NEGR1: variants seen among roughly 807,000 people sequenced by gnomAD.
NEGR1 encodes neuronal growth regulator 1, also known as IgLON family member 4.
NEGR1 carries 10 observed loss-of-function variants against 40.9 expected under a neutral mutation model. The ratio of observed to expected loss-of-function variants is 0.24; its 90% CI spans 0.15 to 0.42. The LOEUF is 0.42. Ranked by LOEUF, NEGR1 falls within the 10% of genes least tolerant of loss-of-function variation. The pLI is 1.00. For synonymous variants in NEGR1, 185 were observed against 166.8 expected, an observed-to-expected ratio of 1.11 and a Z score of -0.84; for missense variants, 352 against 438.9, an observed-to-expected ratio of 0.80 and a Z score of 1.77.
intron 3 of NEGR1, among the ~76,000 whole-genome samples, chr1:71,759,669 G>A (rs1361325378): frequency 1.5e-5 from 2 of 131,802 alleles, no homozygotes; most frequent in Non-Finnish European, 3.1e-5. Flanking sequence ...GAGTGCAGCA[G>A]CGCCATCTCG....
intron 2 of NEGR1, among the ~76,000 whole-genome samples, chr1:71,790,919 G>A (rs1366091666): frequency 6.6e-6 from 1 of 152,004 alleles, no homozygotes; most frequent in Admixed American, 6.6e-5. Context: ...GGGAGGTTAA[G>A]TGATGAACAA....
chr1:72,032,525 T>C (rs1177443711), intron 1 of NEGR1, among the ~76,000 whole-genome samples: 2 of 152,212 alleles, frequency 1.3e-5, no homozygotes, highest in African/African-American at 2.4e-5. Flanking sequence ...TAGACTATAA[T>C]GTTCTAAAAT....
At chr1:71,805,421 A>G (rs550560315) in intron 2 of NEGR1, among the ~76,000 whole-genome samples, 7 of 152,034 alleles carry the variant, frequency 4.6e-5, no homozygotes, top group Non-Finnish European at 5.9e-5. Flanking sequence ...TCTCCCCCGG[A>G]CACCCAGTTT....
chr1:71,974,546 C>A (rs1344987013), intron 1 of NEGR1, among the ~76,000 whole-genome samples: 1 of 151,980 alleles, frequency 6.6e-6, no homozygotes, highest in Non-Finnish European at 1.5e-5. Context: ...TTGAATACAG[C>A]ACTAATGAAA....
chr1:72,031,092 AAG>A (rs1389592082), intron 1 of NEGR1, among the ~76,000 whole-genome samples: 3 of 152,192 alleles, frequency 2.0e-5, no homozygotes. Context: ...TGAGAAGAAA[AAG>A]AGAGAAAAAT....
intron 1 of NEGR1, among the ~76,000 whole-genome samples, chr1:72,203,508 T>C (rs1187793859): frequency 5.9e-5 from 9 of 152,132 alleles, no homozygotes; most frequent in Non-Finnish European, 1.3e-4. Context: ...AGATAGTGGT[T>C]TCTTGAGATG....
chr1:72,211,737 C>A (rs1026642914), intron 1 of NEGR1, among the ~76,000 whole-genome samples: 2 of 151,446 alleles, frequency 1.3e-5, no homozygotes, highest in Non-Finnish European at 2.9e-5. Context: ...GACCTAACTA[C>A]ATAAATAGAA....
At chr1:72,064,329 A>C (rs1372493743) in intron 1 of NEGR1, among the ~76,000 whole-genome samples, 1 of 152,086 alleles carries the variant, frequency 6.6e-6, no homozygotes, top group Non-Finnish European at 1.5e-5. Flanking sequence ...TACCTAAAGA[A>C]AAGAAAGCCT....
intron 1 of NEGR1, among the ~76,000 whole-genome samples, chr1:72,118,305 G>T (rs1405403373): frequency 2.6e-5 from 4 of 151,834 alleles, no homozygotes; most frequent in African/African-American, 9.7e-5. Flanking sequence ...TGGAAGACTG[G>T]TTTCCTCAGT....
At chr1:71,599,788 G>T (rs1271417321) in intron 5 of NEGR1, among the ~76,000 whole-genome samples, 1 of 151,766 alleles carries the variant, frequency 6.6e-6, no homozygotes, top group Non-Finnish European at 1.5e-5. Context: ...AGAGATATTT[G>T]GGCTGCTTTC....
At chr1:71,754,541 C>T (rs1019679628) in intron 3 of NEGR1, among the ~76,000 whole-genome samples, 14 of 152,088 alleles carry the variant, frequency 9.2e-5, no homozygotes, top group African/African-American at 3.4e-4. Flanking sequence ...CCATACTATT[C>T]TCTCTCTTAG....
At chr1:71,694,269 G>A (rs1223897744) in intron 4 of NEGR1, among the ~76,000 whole-genome samples, 4 of 151,456 alleles carry the variant, frequency 2.6e-5, no homozygotes, top group African/African-American at 9.7e-5. Flanking sequence ...GTGTGTTTGT[G>A]TGTGTCACAA....
intron 1 of NEGR1, among the ~76,000 whole-genome samples, chr1:72,153,562 G>A (rs945167793): frequency 6.6e-6 from 1 of 151,856 alleles, no homozygotes; most frequent in East Asian, 1.9e-4. Context: ...CTGAAAGTCA[G>A]AATTTAGATA....
Position 71,963,440 on chromosome 1 carries a change from C to A in NEGR1, c.177-28129G>T, listed in dbSNP as rs141192232. On this transcript the variant is annotated intron_variant, in intron 1 of 6. Transcript: ENST00000357731. The stretch of plus-strand genomic sequence containing the variant: ...TTTTCCCAGTATTTCTCCTCTAATA[C>A]AACGCTGCCATGAATAGCTGTTAAA... 1.1e-3 allele frequency among the ~76,000 whole-genome samples: 166 copies of A among 152,278 alleles called. 1 individual carries two copies. Among genetic ancestry groups the A allele is most frequent in the African/African-American group, 4.0e-3 (166 of 41,570 alleles).
intron 6 of NEGR1, among the ~76,000 whole-genome samples, chr1:71,547,338 G>A (rs1484210806): frequency 6.6e-6 from 1 of 151,730 alleles, no homozygotes; most frequent in Non-Finnish European, 1.5e-5. Context: ...GGAAGTATTT[G>A]TTAGGCGATA....
At chr1:71,618,032 C>T (rs558688984) in intron 4 of NEGR1, among the ~76,000 whole-genome samples, 4 of 152,250 alleles carry the variant, frequency 2.6e-5, no homozygotes, top group South Asian at 2.1e-4. Context: ...GTGTTCAGAT[C>T]GGCAGATAAA....
At chr1:71,770,605 G>A (rs1410572160) in intron 3 of NEGR1, among the ~76,000 whole-genome samples, 4 of 152,206 alleles carry the variant, frequency 2.6e-5, no homozygotes, top group Admixed American at 1.3e-4. Flanking sequence ...ATGCCAGAAA[G>A]CATAGAAGTA....
chr1:71,908,192 G>A (rs1661330157), intron 2 of NEGR1, among the ~76,000 whole-genome samples: 2 of 139,084 alleles, frequency 1.4e-5, no homozygotes, highest in African/African-American at 5.6e-5. Context: ...ATATAAAATA[G>A]AACCACAACG....
chr1:72,043,209 T>C (rs1646971139), intron 1 of NEGR1, among the ~76,000 whole-genome samples: 1 of 151,936 alleles, frequency 6.6e-6, no homozygotes, highest in Non-Finnish European at 1.5e-5. Flanking sequence ...GAACTGTCTT[T>C]AAGGTTTTCT....
Sources: gnomAD v4.1 joint callset for allele counts (sites outside exome capture counted in the v4.1 genomes callset) on GRCh38, gnomAD v4.1.1 for gene constraint, MANE v1.5 for transcripts, NCBI Gene and HGNC (gene_info 2026-07-23, HGNC 2026-07-21) for gene names.